Variants in SLC10A7 observed in about 807,000 individuals in gnomAD.
The protein encoded by SLC10A7 is sodium/bile acid cotransporter 7.
Under a neutral mutation model 43.2 loss-of-function variants are expected in SLC10A7, and 29 were observed. That is an observed-to-expected ratio of 0.67 (90% confidence interval 0.50 to 0.92). SLC10A7 has a LOEUF of 0.92. Ranked by LOEUF, SLC10A7 falls within the 40% of genes least tolerant of loss-of-function variation. The probability of loss-of-function intolerance (pLI) is 0.00; values close to 1 mark genes in which losing one functional copy is unlikely to be tolerated. For missense variants in SLC10A7, 295 were observed against 403.2 expected, an observed-to-expected ratio of 0.73 and a Z score of 2.30; for synonymous variants, 152 against 144.8, an observed-to-expected ratio of 1.05 and a Z score of -0.35.
chr4:146,314,816 T>C (rs1732216718), intron 6 of SLC10A7, among the ~76,000 whole-genome samples: 1 of 152,138 alleles, frequency 6.6e-6, no homozygotes, highest in Non-Finnish European at 1.5e-5. Flanking sequence ...AAAGTGTTAC[T>C]GACCTTTCTC....
chr4:146,258,023 G>C (rs2110970176), intron 11 of SLC10A7, among the ~76,000 whole-genome samples: 2 of 152,300 alleles, frequency 1.3e-5, no homozygotes, highest in East Asian at 3.9e-4. Context: ...AAATCACTGG[G>C]AAGGAGTCAG....
Position 146,370,553 on chromosome 4 carries a change from G to T in SLC10A7, c.436-44557C>A, listed in dbSNP as rs531741513. 7.9e-5 allele frequency among the ~76,000 whole-genome samples: 12 copies of T among 152,260 alleles called. No homozygotes were observed. The South Asian group carries it at 2.5e-3, about 32-fold the overall frequency. On this transcript the variant is annotated intron_variant, in intron 5 of 11. Transcript: ENST00000335472. Reference sequence around the variant, plus strand: ...CTGAGCAGATTGGGGAGGCACTTAAGGTCAAATCAGATTGTCTGTGTTCCT... The same window carrying T: ...CTGAGCAGATTGGGGAGGCACTTAATGTCAAATCAGATTGTCTGTGTTCCT...
chr4:146,269,413 C>A (rs953052458), intron 10 of SLC10A7, among the ~76,000 whole-genome samples: 1 of 152,142 alleles, frequency 6.6e-6, no homozygotes, highest in Non-Finnish European at 1.5e-5. Context: ...GGGGTCACCA[C>A]GTTTATGGAG....
chr4:146,340,362 A>C (rs1734175754), intron 5 of SLC10A7, among the ~76,000 whole-genome samples: 1 of 151,920 alleles, frequency 6.6e-6, no homozygotes, highest in South Asian at 2.1e-4. Flanking sequence ...CAAGCAAATC[A>C]CTTCGCCATA....
At chr4:146,432,103 A>G (rs1194753218) in intron 5 of SLC10A7, among the ~76,000 whole-genome samples, 1 of 152,232 alleles carries the variant, frequency 6.6e-6, no homozygotes, top group Non-Finnish European at 1.5e-5. Context: ...CACACCTATT[A>G]GAATGGCTAA....
chr4:146,513,229 T>C (rs1737644563), intron 2 of SLC10A7, among the ~76,000 whole-genome samples: 1 of 151,926 alleles, frequency 6.6e-6, no homozygotes, highest in African/African-American at 2.4e-5. Context: ...AAGTAACGTA[T>C]ACATTTTTGT....
At chr4:146,434,960 A>G (rs1270301926) in intron 5 of SLC10A7, among the ~76,000 whole-genome samples, 3 of 152,128 alleles carry the variant, frequency 2.0e-5, no homozygotes, top group African/African-American at 4.8e-5. Flanking sequence ...CACACTAGGA[A>G]AAACAGCATT....
At chr4:146,429,048 A>T (rs909465028) in intron 5 of SLC10A7, among the ~76,000 whole-genome samples, 1 of 152,166 alleles carries the variant, frequency 6.6e-6, no homozygotes, top group African/African-American at 2.4e-5. Flanking sequence ...AAATCTTATA[A>T]ATTACTAAAT....
At chr4:146,263,286 T>G (rs1018762490) in intron 10 of SLC10A7, among the ~76,000 whole-genome samples, 1 of 152,228 alleles carries the variant, frequency 6.6e-6, no homozygotes, top group Non-Finnish European at 1.5e-5. Flanking sequence ...ACCCTTATTA[T>G]CATTGCCTGC....
At chr4:146,482,678 A>T (rs1734577898) in intron 4 of SLC10A7, among the ~76,000 whole-genome samples, 1 of 152,140 alleles carries the variant, frequency 6.6e-6, no homozygotes, top group African/African-American at 2.4e-5. Flanking sequence ...TCCAGAGAAG[A>T]GACAGAGAAT....
chr4:146,339,814 T>A (rs983424877), intron 5 of SLC10A7, among the ~76,000 whole-genome samples: 2 of 151,796 alleles, frequency 1.3e-5, no homozygotes, highest in Non-Finnish European at 2.9e-5. Flanking sequence ...TGTCGTTTTT[T>A]TTTTTTTAAT....
chr4:146,352,920 T>C (rs1303967888), intron 5 of SLC10A7, among the ~76,000 whole-genome samples: 105 of 140,556 alleles, frequency 7.5e-4, no homozygotes, highest in South Asian at 4.7e-4. Flanking sequence ...ACTAAATGCC[T>C]ACAAGAGAAA....
chr4:146,408,692 T>G (rs1727914514), intron 5 of SLC10A7: 1 of 152,092 alleles, frequency 6.6e-6, no homozygotes, highest in Non-Finnish European at 1.5e-5. Context: ...TAAAGTTGAC[T>G]GGTGGACACT....
intron 5 of SLC10A7, among the ~76,000 whole-genome samples, chr4:146,349,918 C>T (rs1734907909): frequency 6.6e-6 from 1 of 152,072 alleles, no homozygotes; most frequent in Non-Finnish European, 1.5e-5. Context: ...TCATTCATAT[C>T]CCAAACCTCA....
At chr4:146,338,107 AT>A (rs964003962) in intron 5 of SLC10A7, among the ~76,000 whole-genome samples, 10 of 151,802 alleles carry the variant, frequency 6.6e-5, no homozygotes, top group South Asian at 2.1e-4. Context: ...GCATGCAATA[AT>A]TTTTTTTGCT....
Position 146,256,052 on chromosome 4 carries a change from G to A in SLC10A7, c.*439C>T, listed in dbSNP as rs975387404. 1.2e-5 allele frequency: 2 copies of A among 162,226 alleles called. No individual in the cohort carries two copies. The highest frequency in any genetic ancestry group is 2.4e-5 in the African/African-American group (1 of 41,570). The allele number at this position is 162,226 out of a possible 1,614,324, so 10.0% of individuals were successfully genotyped here. On this transcript the variant is annotated 3_prime_UTR_variant, in exon 12 of 12. Coordinates refer to ENST00000335472, the MANE Select transcript of SLC10A7 (RefSeq NM_001029998.6). ...GATAAGGAAGAGGCATGTCACAGTCGTAGAAAAAAAGAATCACACAGTAAA... is the reference window on the plus strand; with the variant it reads ...GATAAGGAAGAGGCATGTCACAGTCATAGAAAAAAAGAATCACACAGTAAA...
intron 10 of SLC10A7, among the ~76,000 whole-genome samples, chr4:146,261,818 A>C (rs2110993697): frequency 6.6e-6 from 1 of 152,360 alleles, no homozygotes; most frequent in East Asian, 1.9e-4. Flanking sequence ...GTCATGGTCC[A>C]AGTCTCTTTC....
intron 5 of SLC10A7, among the ~76,000 whole-genome samples, chr4:146,422,279 T>C (rs1479316832): frequency 2.6e-5 from 4 of 152,144 alleles, no homozygotes; most frequent in Non-Finnish European, 5.9e-5. Context: ...TCTCCAATAA[T>C]GTATAATATT....
intron 5 of SLC10A7, among the ~76,000 whole-genome samples, chr4:146,386,269 C>T (rs1314501343): frequency 6.6e-6 from 1 of 152,192 alleles, no homozygotes; most frequent in Non-Finnish European, 1.5e-5. Context: ...TTAATAATAG[C>T]CATTTCAACT....
Sources: allele counts gnomAD v4.1 joint callset (sites outside exome capture counted in the v4.1 genomes callset), GRCh38; gene constraint gnomAD v4.1.1; transcripts MANE v1.5; gene names NCBI Gene and HGNC (gene_info 2026-07-23, HGNC 2026-07-21).